The following ITGBL1 variants were observed in gnomAD, a reference collection of about 807,000 sequenced individuals.
ITGBL1 encodes the protein integrin subunit beta like 1.
ITGBL1 carries 51 observed loss-of-function variants against 68.5 expected under a neutral mutation model. The observed-to-expected ratio is 0.74, with a 90% confidence interval of 0.59 to 0.94. The LOEUF (loss-of-function observed/expected upper bound fraction) is 0.94, where lower values mean the gene tolerates loss of function less well. Among genes scored for constraint, ITGBL1 ranks in the 40% least tolerant of loss-of-function variants. The pLI is 0.00. For missense variants in ITGBL1, 649 were observed against 647.4 expected (o/e 1.00, Z -0.03); for synonymous variants, 209 against 227.3 (o/e 0.92, Z 0.72).
intron 2 of ITGBL1, among the ~76,000 whole-genome samples, chr13:101,462,507 G>A (rs1403463991): frequency 4.6e-5 from 7 of 152,194 alleles, no homozygotes; most frequent in Non-Finnish European, 8.8e-5. Flanking sequence ...ATGCTCCATC[G>A]AGGATGCAAG....
rs1415995039 is a variant in ITGBL1, at chr13:101,509,775, C to G, written c.316+55675C>G. On this transcript the variant is annotated intron_variant, in intron 2 of 10. Coordinates refer to ENST00000376180, the MANE Select transcript of ITGBL1 (RefSeq NM_004791.3). Reference sequence around the variant, plus strand: ...CCCATAGTCCCTTTAAAGTTTTAACCTATCAAATAAAGTCCTTTAGTCTAA... The same window carrying G: ...CCCATAGTCCCTTTAAAGTTTTAACGTATCAAATAAAGTCCTTTAGTCTAA... Among the ~76,000 whole-genome samples the G allele has an allele frequency of 2.6e-5, 4 of 152,204 alleles. No homozygotes were observed. The South Asian group carries it at 8.3e-4, about 32-fold the overall frequency.
chr13:101,454,399 T>TTCCCCCCC (rs2048210934), intron 2 of ITGBL1, among the ~76,000 whole-genome samples: 2 of 135,812 alleles, frequency 1.5e-5, no homozygotes, highest in Non-Finnish European at 3.3e-5. Flanking sequence ...CCCTGGCTGG[T>TTCCCCCCC]CCCCCCCCCC....
intron 2 of ITGBL1, among the ~76,000 whole-genome samples, chr13:101,545,122 A>T (rs2049795967): frequency 6.6e-6 from 1 of 152,084 alleles, no homozygotes; most frequent in Non-Finnish European, 1.5e-5. Context: ...AAATGCAAAA[A>T]TCGCCCATCT....
At chr13:101,580,350 G>A (rs1004248383) in intron 5 of ITGBL1, among the ~76,000 whole-genome samples, 1 of 152,084 alleles carries the variant, frequency 6.6e-6, no homozygotes, top group Non-Finnish European at 1.5e-5. Flanking sequence ...TAAATAAAAA[G>A]GCAGGAACTT....
chr13:101,648,635 A>T (rs1715574005), intron 7 of ITGBL1, among the ~76,000 whole-genome samples: 1 of 152,226 alleles, frequency 6.6e-6, no homozygotes, highest in South Asian at 2.1e-4. Flanking sequence ...CACCAATGAC[A>T]TAAAGTAATT....
intron 7 of ITGBL1, among the ~76,000 whole-genome samples, chr13:101,644,060 G>T (rs989163647): frequency 6.6e-6 from 1 of 152,126 alleles, no homozygotes; most frequent in East Asian, 1.9e-4. Flanking sequence ...CTGGCTGGCC[G>T]TGTCACCTCG....
At chr13:101,508,508 G>A (rs1463536121) in intron 2 of ITGBL1, among the ~76,000 whole-genome samples, 1 of 152,078 alleles carries the variant, frequency 6.6e-6, no homozygotes, top group African/African-American at 2.4e-5. Context: ...CCAGCAAAGT[G>A]TGAGCTTCCA....
At position 101,703,435 on chromosome 13, in the gene ITGBL1, G is replaced by A. The variant is rs909612226; in HGVS notation, c.1133-3321G>A. On this transcript the variant is annotated intron_variant, in intron 8 of 10. Transcript: ENST00000376180. The stretch of plus-strand genomic sequence containing the variant: ...GAAGAGAAGGAATACAATTGGAAAT[G>A]TAGCTTCTGTTTTTCAAGAAGCTAA... 4.6e-5 allele frequency among the ~76,000 whole-genome samples: 7 copies of A among 152,344 alleles called. No individual in the cohort carries two copies. The South Asian group carries it at 1.2e-3, about 27-fold the overall frequency.
At chr13:101,610,378 C>T (rs148266170) in intron 7 of ITGBL1, among the ~76,000 whole-genome samples, 8 of 152,216 alleles carry the variant, frequency 5.3e-5, no homozygotes, top group East Asian at 3.9e-4. Context: ...TCAGAACCTG[C>T]GATGCCCCTC....
chr13:101,691,687 T>C (rs1357963780), intron 7 of ITGBL1, among the ~76,000 whole-genome samples: 1 of 152,170 alleles, frequency 6.6e-6, no homozygotes, highest in African/African-American at 2.4e-5. Flanking sequence ...TAGATGTACA[T>C]TAAGATACAA....
chr13:101,698,837 T>C (rs1423834574), intron 8 of ITGBL1, among the ~76,000 whole-genome samples: 4 of 152,202 alleles, frequency 2.6e-5, no homozygotes, highest in Non-Finnish European at 4.4e-5. Flanking sequence ...CTGTGTGCCA[T>C]ATACCTAGGG....
At chr13:101,454,789 TAAC>T (rs2048219280) in intron 2 of ITGBL1, among the ~76,000 whole-genome samples, 1 of 152,200 alleles carries the variant, frequency 6.6e-6, no homozygotes, top group South Asian at 2.1e-4. Context: ...CAGAAAACTG[TAAC>T]AAGGAAAAAA....
chr13:101,614,427 G>A (rs2031268459), intron 7 of ITGBL1, among the ~76,000 whole-genome samples: 1 of 152,106 alleles, frequency 6.6e-6, no homozygotes, highest in Non-Finnish European at 1.5e-5. Flanking sequence ...TTTCTTATGT[G>A]TTGAGGAGAG....
intron 9 of ITGBL1, chr13:101,710,664 G>C (rs2034420481): frequency 6.6e-6 from 1 of 152,074 alleles, no homozygotes; most frequent in Non-Finnish European, 1.5e-5. Context: ...AGATGTTCAA[G>C]TTCTTTCTTT....
intron 2 of ITGBL1, among the ~76,000 whole-genome samples, chr13:101,459,308 A>G (rs547263019): frequency 6.6e-6 from 1 of 152,320 alleles, no homozygotes; most frequent in East Asian, 1.9e-4. Flanking sequence ...CCTGATATTT[A>G]GTGCCTTTTT....
chr13:101,454,126 C>T (rs751828253), intron 2 of ITGBL1, 26 bp downstream of exon 2: 4 of 1,480,100 alleles, frequency 2.7e-6, no homozygotes, highest in Non-Finnish European at 3.6e-6. Flanking sequence ...TGTCTCCTCC[C>T]TCGGGAGGTC....
At position 101,557,817 on chromosome 13, in the gene ITGBL1, A is replaced by G. The variant is rs192127009; in HGVS notation, c.317-9882A>G. On this transcript the variant is annotated intron_variant, in intron 2 of 10. Coordinates refer to ENST00000376180, the MANE Select transcript of ITGBL1 (RefSeq NM_004791.3). ...TAAAATGCCTCATGAGGGGCCGGGC[A>G]CGGTGGCTCATGCCTGTAATCCCAG... is the stretch of plus-strand genomic sequence containing the variant. Among the ~76,000 whole-genome samples the G allele has an allele frequency of 9.6e-4, 146 of 152,120 alleles. 1 individual carries two copies. Among genetic ancestry groups the G allele is most frequent in the Admixed American group, 4.3e-3 (66 of 15,274 alleles).
intron 7 of ITGBL1, among the ~76,000 whole-genome samples, chr13:101,631,417 T>C: frequency 6.6e-6 from 1 of 152,136 alleles, no homozygotes; most frequent in East Asian, 1.9e-4. Context: ...TTGTAGATGT[T>C]AAGTCTATAT....
At chr13:101,536,563 A>C (rs2139173209) in intron 2 of ITGBL1, among the ~76,000 whole-genome samples, 1 of 152,132 alleles carries the variant, frequency 6.6e-6, no homozygotes, top group Admixed American at 6.6e-5. Flanking sequence ...GAGGCAAGTC[A>C]GTTGGTCTCC....
Sources: allele counts gnomAD v4.1 joint callset (sites outside exome capture counted in the v4.1 genomes callset), GRCh38; gene constraint gnomAD v4.1.1; transcripts MANE v1.5; gene names NCBI Gene and HGNC (gene_info 2026-07-23, HGNC 2026-07-21).